LRRC1: variants seen among roughly 807,000 people sequenced by gnomAD.
LRRC1 encodes leucine rich repeat containing 1, also known as leucine-rich repeat-containing protein 1.
Under a neutral mutation model 69.9 loss-of-function variants are expected in LRRC1, and 28 were observed. The observed-to-expected ratio is 0.40, with a 90% CI of 0.30 to 0.55. The LOEUF is 0.55. LRRC1 is among the 20% of genes least tolerant of loss of function. LRRC1 has a pLI of 0.47. For missense variants in LRRC1, 498 were observed against 609.0 expected, an observed-to-expected ratio of 0.82 and a Z score of 1.92; for synonymous variants, 236 against 240.2, an observed-to-expected ratio of 0.98 and a Z score of 0.16.
At chr6:53,899,920 A>G in intron 8 of LRRC1, 29 bp downstream of exon 8, 3 of 1,602,118 alleles carry the variant, frequency 1.9e-6, no homozygotes, top group Non-Finnish European at 2.6e-6. Flanking sequence ...TAACTGCTAA[A>G]CATACTGCCT....
chr6:53,904,501 A>G (rs183098530), intron 10 of LRRC1, 39 bp downstream of exon 10: 4 of 1,265,640 alleles, frequency 3.2e-6, no homozygotes, highest in Middle Eastern at 2.0e-4. Flanking sequence ...AATAATTATG[A>G]AGAAATAATA....
At chr6:53,840,927 T>TGTGCGCGC (rs578018808) in intron 1 of LRRC1, among the ~76,000 whole-genome samples, 4 of 132,508 alleles carry the variant, frequency 3.0e-5, no homozygotes, top group African/African-American at 1.1e-4. Context: ...TGTGTGTGTG[T>TGTGCGCGC]GCGTGCGCGC....
intron 2 of LRRC1, among the ~76,000 whole-genome samples, chr6:53,860,584 A>AT (rs1002461902): frequency 5.3e-5 from 8 of 152,000 alleles, no homozygotes; most frequent in Non-Finnish European, 1.2e-4. Context: ...TAGTAGAAGG[A>AT]TTTTTTTTAA....
chr6:53,866,530 T>C (rs531915826), intron 2 of LRRC1, among the ~76,000 whole-genome samples: 18 of 152,270 alleles, frequency 1.2e-4, no homozygotes, highest in African/African-American at 3.6e-4. Flanking sequence ...AGTTATTGAA[T>C]AGATTTTATG....
chr6:53,899,585 A>G (rs1252963416), intron 7 of LRRC1, among the ~76,000 whole-genome samples, 162 bp from the exon 8 acceptor site: 3 of 152,198 alleles, frequency 2.0e-5, no homozygotes, highest in African/African-American at 7.2e-5. Flanking sequence ...TTTCATTGGA[A>G]GGGGATCTAG....
chr6:53,893,680 A>T (rs1562063198), intron 4 of LRRC1, among the ~76,000 whole-genome samples: 1 of 152,210 alleles, frequency 6.6e-6, no homozygotes, highest in Non-Finnish European at 1.5e-5. Context: ...CAGATAAGGG[A>T]TACTTAGCCT....
At chr6:53,833,333 C>A (rs892328983) in intron 1 of LRRC1, among the ~76,000 whole-genome samples, 1 of 152,132 alleles carries the variant, frequency 6.6e-6, no homozygotes, top group Non-Finnish European at 1.5e-5. Flanking sequence ...AAGTGATTCA[C>A]CCTTGAGCTA....
intron 2 of LRRC1, among the ~76,000 whole-genome samples, chr6:53,878,107 C>G (rs1327380674): frequency 6.6e-6 from 1 of 152,114 alleles, no homozygotes; most frequent in Non-Finnish European, 1.5e-5. Flanking sequence ...GAAAACTCCC[C>G]CTTATAATAA....
chr6:53,843,506 G>T (rs1236349787), intron 2 of LRRC1, among the ~76,000 whole-genome samples: 1 of 152,114 alleles, frequency 6.6e-6, no homozygotes, highest in South Asian at 2.1e-4. Context: ...CCATGTGATC[G>T]TGACATTCTT....
intron 2 of LRRC1, among the ~76,000 whole-genome samples, chr6:53,872,861 A>G (rs1766939136): frequency 6.6e-6 from 1 of 150,822 alleles, no homozygotes; most frequent in Non-Finnish European, 1.5e-5. Flanking sequence ...CGTTCAAGCA[A>G]TTCTCTTGCC....
intron 10 of LRRC1, among the ~76,000 whole-genome samples, chr6:53,912,324 A>C (rs1178532509): frequency 1.3e-5 from 2 of 152,246 alleles, no homozygotes; most frequent in Non-Finnish European, 2.9e-5. Context: ...TCAATGGAGG[A>C]ATAGACGATG....
intron 11 of LRRC1, among the ~76,000 whole-genome samples, chr6:53,915,262 A>G (rs1382619701): frequency 6.6e-6 from 1 of 152,130 alleles, no homozygotes; most frequent in African/African-American, 2.4e-5. Context: ...ACTCTTGCTA[A>G]TGGATTATAG....
chr6:53,815,557 A>C (rs1165809719), intron 1 of LRRC1, among the ~76,000 whole-genome samples: 1 of 152,176 alleles, frequency 6.6e-6, no homozygotes. Flanking sequence ...CCTCAGGTCC[A>C]GTCCTCTCCT....
intron 1 of LRRC1, among the ~76,000 whole-genome samples, chr6:53,822,635 C>T (rs1460304172): frequency 6.6e-6 from 1 of 152,174 alleles, no homozygotes. Flanking sequence ...CACGTTTTGA[C>T]TGGTTCACGC....
chr6:53,834,910 C>T (rs901464296), intron 1 of LRRC1, among the ~76,000 whole-genome samples: 3 of 152,032 alleles, frequency 2.0e-5, no homozygotes, highest in East Asian at 3.8e-4. Flanking sequence ...TGCAGTGAGC[C>T]GAGATCATGC....
chr6:53,830,118 G>A (rs1462887508), intron 1 of LRRC1, among the ~76,000 whole-genome samples: 8 of 152,192 alleles, frequency 5.3e-5, no homozygotes, highest in Admixed American at 5.2e-4. Context: ...CTCACTGGGT[G>A]GCCTGCGGGC....
intron 9 of LRRC1, among the ~76,000 whole-genome samples, chr6:53,903,013 G>A (rs186472077): frequency 1.3e-5 from 2 of 152,266 alleles, no homozygotes; most frequent in African/African-American, 4.8e-5. Context: ...GTGAGGTGTG[G>A]GGATAAGCTA....
Position 53,896,893 on chromosome 6 carries a change from G to C in LRRC1, c.567+1G>C. On this transcript the variant is annotated splice_donor_variant, in intron 6 of 13. Coordinates refer to ENST00000370888, the MANE Select transcript of LRRC1 (RefSeq NM_018214.5). LOFTEE classifies it high-confidence loss of function. ...AGGAAACAATGAAATATATAATTTGGTAAGTCCGTATTAGAGATTTGAATT... is the reference window on the plus strand; with the variant it reads ...AGGAAACAATGAAATATATAATTTGCTAAGTCCGTATTAGAGATTTGAATT... 6.3e-7 allele frequency: 1 copy of C among 1,575,582 alleles called. No homozygotes were observed. The highest frequency in any genetic ancestry group is 8.7e-7 in the Non-Finnish European group (1 of 1,145,392).
At chr6:53,830,407 G>T (rs1037899604) in intron 1 of LRRC1, among the ~76,000 whole-genome samples, 3 of 152,198 alleles carry the variant, frequency 2.0e-5, no homozygotes, top group Admixed American at 1.3e-4. Flanking sequence ...TCCTTAAACA[G>T]TAGGGGAATT....
Sources: allele counts gnomAD v4.1 joint callset (sites outside exome capture counted in the v4.1 genomes callset), GRCh38; gene constraint gnomAD v4.1.1; transcripts MANE v1.5; gene names NCBI Gene and HGNC (gene_info 2026-07-23, HGNC 2026-07-21).